The following ULK4 variants were observed in gnomAD, a reference collection of about 807,000 sequenced individuals.
The protein encoded by ULK4 is inactive serine/threonine-protein kinase ULK4.
ULK4 carries 133 observed loss-of-function variants against 160.6 expected under a neutral mutation model. The ratio of observed to expected loss-of-function variants is 0.83; its 90% confidence interval spans 0.72 to 0.96. ULK4 has a LOEUF of 0.96. Ranked by LOEUF, ULK4 falls within the 40% of genes least tolerant of loss-of-function variation. The probability of loss-of-function intolerance (pLI) is 0.00; values close to 1 mark genes in which losing one functional copy is unlikely to be tolerated. For missense variants in ULK4, 1,580 were observed against 1,499.5 expected, an observed-to-expected ratio of 1.05 and a Z score of -0.89; for synonymous variants, 534 against 539.8, an observed-to-expected ratio of 0.99 and a Z score of 0.15.
chr3:41,721,255 ATTTTT>A (rs67078042), intron 22 of ULK4, among the ~76,000 whole-genome samples: 8 of 45,056 alleles, frequency 1.8e-4, no homozygotes, highest in Non-Finnish European at 2.5e-4. Context: ...TTCGCTTTGA[ATTTTT>A]TTTTTTTTTT....
At chr3:41,324,526 T>A (rs111468636) in intron 35 of ULK4, among the ~76,000 whole-genome samples, 2 of 152,144 alleles carry the variant, frequency 1.3e-5, no homozygotes, top group African/African-American at 4.8e-5. Context: ...AAGAATCAGA[T>A]AAAACTACCA....
chr3:41,436,196 T>C (rs4973948), intron 34 of ULK4, among the ~76,000 whole-genome samples: 40,493 of 152,090 alleles, frequency 0.27, 5,632 homozygotes, highest in East Asian at 0.57. Flanking sequence ...TTTGACCAAC[T>C]AATGGCTAAT....
At chr3:41,752,804 T>C (rs1317764781) in intron 22 of ULK4, among the ~76,000 whole-genome samples, 2 of 152,172 alleles carry the variant, frequency 1.3e-5, no homozygotes, top group African/African-American at 4.8e-5. Context: ...TGATCCCCAA[T>C]TGAGCAAAAT....
chr3:41,692,692 ATAAT>A (rs896044865), intron 27 of ULK4, among the ~76,000 whole-genome samples: 2 of 152,080 alleles, frequency 1.3e-5, no homozygotes, highest in Non-Finnish European at 2.9e-5. Context: ...AGGAATTTTA[ATAAT>A]TAATACTAGT....
chr3:41,719,231 T>C (rs2125847815), intron 22 of ULK4, among the ~76,000 whole-genome samples: 1 of 152,338 alleles, frequency 6.6e-6, no homozygotes, highest in South Asian at 2.1e-4. Flanking sequence ...TCTTAAATGC[T>C]GAAGTCTATC....
chr3:41,922,250 G>A (rs1699210927), intron 5 of ULK4, among the ~76,000 whole-genome samples: 2 of 152,138 alleles, frequency 1.3e-5, no homozygotes, highest in African/African-American at 4.8e-5. Flanking sequence ...CTACTTGGAG[G>A]GCCAAGACAG....
At chr3:41,334,050 G>A (rs1451297677) in intron 35 of ULK4, among the ~76,000 whole-genome samples, 2 of 152,198 alleles carry the variant, frequency 1.3e-5, no homozygotes, top group South Asian at 2.1e-4. Context: ...AGAAACACAC[G>A]CAGATTCACA....
intron 32 of ULK4, among the ~76,000 whole-genome samples, chr3:41,546,244 G>C (rs1221836277): frequency 6.6e-6 from 1 of 151,892 alleles, no homozygotes; most frequent in Non-Finnish European, 1.5e-5. Flanking sequence ...TTTGTTCTGG[G>C]CGGCAGTTAA....
At chr3:41,824,187 G>A (rs2041254650) in intron 18 of ULK4, among the ~76,000 whole-genome samples, 1 of 146,534 alleles carries the variant, frequency 6.8e-6, no homozygotes, top group African/African-American at 2.5e-5. Flanking sequence ...AAAAAAGGAG[G>A]AGCCAAGATA....
At chr3:41,706,840 A>ATATAT (rs1261207514) in intron 25 of ULK4, among the ~76,000 whole-genome samples, 1 of 130,778 alleles carries the variant, frequency 7.6e-6, no homozygotes, top group African/African-American at 3.7e-5. Context: ...AAAAAAAAAA[A>ATATAT]AAAAAAATAT....
chr3:41,670,482 T>C (rs1362149125), intron 29 of ULK4, among the ~76,000 whole-genome samples: 2 of 152,082 alleles, frequency 1.3e-5, no homozygotes, highest in Non-Finnish European at 2.9e-5. Context: ...AAGATAAAAG[T>C]ACATCAATAA....
intron 35 of ULK4, among the ~76,000 whole-genome samples, chr3:41,334,761 A>G (rs1316456314): frequency 1.3e-5 from 2 of 152,234 alleles, no homozygotes; most frequent in Non-Finnish European, 2.9e-5. Context: ...AATACATGAA[A>G]ACATATTTGA....
chr3:41,694,967 A>G (rs981822590), intron 27 of ULK4, among the ~76,000 whole-genome samples: 4 of 152,230 alleles, frequency 2.6e-5, no homozygotes, highest in African/African-American at 7.2e-5. Context: ...CTTACACTGC[A>G]TAATTTAATA....
At chr3:41,268,387 TCTTA>T (rs2079080321) in intron 35 of ULK4, among the ~76,000 whole-genome samples, 1 of 152,284 alleles carries the variant, frequency 6.6e-6, no homozygotes, top group African/African-American at 2.4e-5. Context: ...CACATAATAC[TCTTA>T]CTTCTGCGGT....
intron 2 of ULK4, among the ~76,000 whole-genome samples, chr3:41,949,432 A>ATTTCTT (rs1553691556): frequency 1.4e-5 from 2 of 141,618 alleles, no homozygotes; most frequent in African/African-American, 5.2e-5. Context: ...GATTAGCGGA[A>ATTTCTT]TTTTTTTTTT....
intron 29 of ULK4, among the ~76,000 whole-genome samples, chr3:41,677,079 G>T (rs1056045249): frequency 2.6e-5 from 4 of 151,612 alleles, no homozygotes; most frequent in Non-Finnish European, 5.9e-5. Flanking sequence ...GATAATTTTT[G>T]TATTTTTTTT....
intron 17 of ULK4, among the ~76,000 whole-genome samples, chr3:41,856,925 AAGACT>A (rs2042377778): frequency 6.6e-6 from 1 of 151,490 alleles, no homozygotes; most frequent in Non-Finnish European, 1.5e-5. Context: ...AACAAAACAA[AAGACT>A]AAGCCAATTA....
At chr3:41,614,829 G>C in intron 31 of ULK4, among the ~76,000 whole-genome samples, 1 of 152,146 alleles carries the variant, frequency 6.6e-6, no homozygotes, top group South Asian at 2.1e-4. Context: ...CCATGTGTAG[G>C]GTTATCAGAC....
rs993509089 is a variant in ULK4, at chr3:41,558,660, C to T, written c.3226+7365G>A. On this transcript the variant is annotated intron_variant, in intron 32 of 36. Transcript: ENST00000301831. ...TGGAGATTGCAGTGGGCCAAGATCA[C>T]GCCATGGCACTTCAGCCTGAGCAAT... Among the ~76,000 whole-genome samples, 187 of 150,244 alleles carry T rather than the reference C, an allele frequency of 1.2e-3. 1 individual carries two copies. Among genetic ancestry groups the T allele is most frequent in the African/African-American group, 4.4e-3 (179 of 40,964 alleles).
Sources: gnomAD v4.1 joint callset for allele counts (sites outside exome capture counted in the v4.1 genomes callset) on GRCh38, gnomAD v4.1.1 for gene constraint, MANE v1.5 for transcripts, NCBI Gene and HGNC (gene_info 2026-07-23, HGNC 2026-07-21) for gene names.